Variants in ADARB2 observed in about 807,000 individuals in gnomAD.
The protein encoded by ADARB2 is inactive double-stranded RNA-specific editase B2.
In ADARB2, 25 loss-of-function variants were observed where a neutral mutation model predicts 62.2. The observed-to-expected ratio is 0.40, with a 90% CI of 0.29 to 0.56. ADARB2 has a LOEUF of 0.56. Ranked by LOEUF, ADARB2 falls within the 20% of genes least tolerant of loss-of-function variation. The pLI, the probability that ADARB2 is intolerant of heterozygous loss-of-function variation, is 0.43. For missense variants in ADARB2, 1,071 were observed against 1,077.4 expected, an observed-to-expected ratio of 0.99 and a Z score of 0.08; for synonymous variants, 572 against 500.8, an observed-to-expected ratio of 1.14 and a Z score of -1.90.
chr10:1,610,107 C>T (rs1395462242), intron 1 of ADARB2, among the ~76,000 whole-genome samples: 1 of 152,006 alleles, frequency 6.6e-6, no homozygotes. Flanking sequence ...TTATGAGAGG[C>T]CCAATAGGTC....
chr10:1,215,282 G>A (rs1837218751), intron 7 of ADARB2, among the ~76,000 whole-genome samples: 1 of 152,244 alleles, frequency 6.6e-6, no homozygotes. Flanking sequence ...GTCTGTGCTA[G>A]AACCCCTGGG....
intron 1 of ADARB2, among the ~76,000 whole-genome samples, chr10:1,514,050 C>A (rs569169211): frequency 4.0e-5 from 6 of 151,354 alleles, no homozygotes; most frequent in African/African-American, 1.5e-4. Context: ...TAGCGAGACC[C>A]TGTCTCTACT....
intron 1 of ADARB2, among the ~76,000 whole-genome samples, chr10:1,449,735 G>A (rs1329798452): frequency 1.3e-5 from 2 of 152,282 alleles, no homozygotes; most frequent in Non-Finnish European, 1.5e-5. Flanking sequence ...TGTGCAAAGT[G>A]CTTCCCTCCA....
chr10:1,512,320 T>C (rs910298534), intron 1 of ADARB2, among the ~76,000 whole-genome samples: 8 of 152,090 alleles, frequency 5.3e-5, no homozygotes, highest in Non-Finnish European at 1.5e-5. Context: ...TACCAAGACA[T>C]TGATGCTGCT....
rs1157971220 is a variant in ADARB2 at position 1,180,377 on chromosome 10, G to T, written c.*2816C>A. 1.7e-4 allele frequency: 25 copies of T among 149,808 alleles called. 1 individual carries two copies. Among genetic ancestry groups the T allele is most frequent in the African/African-American group, 6.2e-4 (25 of 40,564 alleles). The allele number at this position is 149,808 out of a possible 1,614,324, so 9.3% of individuals were successfully genotyped here. On this transcript the variant is annotated 3_prime_UTR_variant, in exon 10 of 10. Transcript: ENST00000381312. Reference sequence around the variant, plus strand: ...TGGGGCTGTGGGAATCCTGGGACTCGGCCCCCCCAAGCATAGCTGGGGCTG... The same window carrying T: ...TGGGGCTGTGGGAATCCTGGGACTCTGCCCCCCCAAGCATAGCTGGGGCTG...
chr10:1,611,204 C>T (rs1833567658), intron 1 of ADARB2, among the ~76,000 whole-genome samples: 1 of 152,112 alleles, frequency 6.6e-6, no homozygotes, highest in African/African-American at 2.4e-5. Context: ...CTCTCTCAGG[C>T]CCGTTTTGGA....
intron 1 of ADARB2, among the ~76,000 whole-genome samples, chr10:1,683,686 T>C (rs1834567590): frequency 6.6e-6 from 1 of 152,162 alleles, no homozygotes; most frequent in Non-Finnish European, 1.5e-5. Flanking sequence ...GGGTCAGCCT[T>C]ACACACAGAT....
intron 1 of ADARB2, among the ~76,000 whole-genome samples, chr10:1,650,979 G>A (rs898650915): frequency 2.6e-5 from 4 of 152,182 alleles, no homozygotes; most frequent in Admixed American, 6.5e-5. Context: ...CTCCCAAGCC[G>A]AGGCTATCTG....
At chr10:1,733,621 T>C (rs1835261347) in intron 1 of ADARB2, among the ~76,000 whole-genome samples, 1 of 152,222 alleles carries the variant, frequency 6.6e-6, no homozygotes, top group Admixed American at 6.5e-5. Flanking sequence ...ATCTACCTGG[T>C]TGAACGGATA....
intron 4 of ADARB2, among the ~76,000 whole-genome samples, chr10:1,262,835 T>C (rs1360181094): frequency 6.6e-6 from 1 of 152,176 alleles, no homozygotes; most frequent in Non-Finnish European, 1.5e-5. Context: ...TGCACACATA[T>C]GTTTATTTTG....
intron 3 of ADARB2, among the ~76,000 whole-genome samples, chr10:1,293,629 T>G (rs955204994): frequency 4.6e-5 from 7 of 152,226 alleles, no homozygotes; most frequent in African/African-American, 1.4e-4. Context: ...ATTTATTTTT[T>G]GTTTATCCTC....
rs539802778 is a variant in ADARB2, at chr10:1,572,519, GT to G, written c.100+164531del. The stretch of plus-strand genomic sequence containing the variant: ...GTTTGTTTTGTTTTGTAGCATGTTG[GT>G]TTGTATAGAAGAGACAAGTGCCCAA... On this transcript the variant is annotated intron_variant, in intron 1 of 9. Transcript: ENST00000381312. Among the ~76,000 whole-genome samples, 582 of 152,282 alleles carry G rather than the reference GT, an allele frequency of 3.8e-3. 2 individuals carry two copies. Among genetic ancestry groups the G allele is most frequent in the Middle Eastern group, 0.024 (7 of 294 alleles).
chr10:1,359,608 C>T (rs1244823900), intron 3 of ADARB2, among the ~76,000 whole-genome samples: 3 of 152,166 alleles, frequency 2.0e-5, no homozygotes, highest in Admixed American at 2.0e-4. Flanking sequence ...TTGTGAATCC[C>T]AACCTCCACC....
chr10:1,437,253 C>CACACACACATATAT (rs1462696207), intron 1 of ADARB2, among the ~76,000 whole-genome samples: 1 of 1,382 alleles, frequency 7.2e-4, no homozygotes, highest in Admixed American at 0.017. Context: ...CATATATATA[C>CACACACACATATAT]ACACACACAC....
intron 3 of ADARB2, among the ~76,000 whole-genome samples, chr10:1,354,522 G>A (rs939093087): frequency 5.3e-5 from 8 of 152,148 alleles, no homozygotes; most frequent in African/African-American, 1.9e-4. Context: ...AAACGGCCTT[G>A]TTGCTCACAC....
chr10:1,717,031 A>T (rs886195205), intron 1 of ADARB2, among the ~76,000 whole-genome samples: 3 of 151,570 alleles, frequency 2.0e-5, no homozygotes, highest in African/African-American at 7.3e-5. Flanking sequence ...CGTTATTCTG[A>T]TCACATTATT....
At chr10:1,514,178 A>AAT (rs61671460) in intron 1 of ADARB2, among the ~76,000 whole-genome samples, 2,065 of 94,134 alleles carry the variant, frequency 0.022, 234 homozygotes, top group African/African-American at 0.063. Context: ...GCTGTCTCAA[A>AAT]ATATATATAT....
At chr10:1,713,994 C>G (rs1279742732) in intron 1 of ADARB2, among the ~76,000 whole-genome samples, 1 of 152,196 alleles carries the variant, frequency 6.6e-6, no homozygotes, top group Non-Finnish European at 1.5e-5. Flanking sequence ...TAAAGAGACT[C>G]TGTGTGTGAT....
At chr10:1,289,340 C>T (rs1051685080) in intron 3 of ADARB2, among the ~76,000 whole-genome samples, 10 of 152,252 alleles carry the variant, frequency 6.6e-5, no homozygotes, top group African/African-American at 1.9e-4. Context: ...GCTCCGACCA[C>T]ACTGGGCACA....
Sources: allele counts gnomAD v4.1 joint callset (sites outside exome capture counted in the v4.1 genomes callset), GRCh38; gene constraint gnomAD v4.1.1; transcripts MANE v1.5; gene names NCBI Gene and HGNC (gene_info 2026-07-23, HGNC 2026-07-21).